The following CMIP variants were observed in gnomAD, a reference collection of about 807,000 sequenced individuals.
CMIP encodes the protein c-Maf inducing protein.
Under a neutral mutation model 97.3 loss-of-function variants are expected in CMIP, and 13 were observed. The ratio of observed to expected loss-of-function variants is 0.13; its 90% confidence interval spans 0.09 to 0.21. CMIP has a LOEUF of 0.21. Among genes scored for constraint, CMIP ranks in the 10% least tolerant of loss-of-function variants. The pLI, the probability that CMIP is intolerant of heterozygous loss-of-function variation, is 1.00. For missense variants in CMIP, 847 were observed against 1,024.9 expected (o/e 0.83, Z 2.37); for synonymous variants, 538 against 436.3 (o/e 1.23, Z -2.91).
intron 1 of CMIP, among the ~76,000 whole-genome samples, chr16:81,533,344 A>C (rs143412943): frequency 6.9e-4 from 105 of 152,374 alleles, no homozygotes; most frequent in Non-Finnish European, 1.1e-3. Context: ...CAGTCAGTCA[A>C]ACTTTGCAGC....
rs1165194123 is a variant in CMIP at position 81,469,951 on chromosome 16, A to T, written c.300+24410A>T. On this transcript the variant is annotated intron_variant, in intron 1 of 20. Transcript: ENST00000537098. The stretch of plus-strand genomic sequence containing the variant: ...CACCCTTGACCTTGTCTGGTGTCTG[A>T]CAGCAGCAGCAGGTAAAGAGCAGGC... Among the ~76,000 whole-genome samples, 3 of 152,120 alleles carry T rather than the reference A, an allele frequency of 2.0e-5. No individual in the cohort carries two copies. In the East Asian group the frequency reaches 5.8e-4, roughly 29 times the overall value.
chr16:81,607,528 A>T, intron 1 of CMIP, 39 bp from the exon 2 acceptor site: 1 of 1,608,370 alleles, frequency 6.2e-7, no homozygotes, highest in African/African-American at 1.3e-5. Flanking sequence ...CTGCTACTGT[A>T]ACCAATGCAT....
Position 81,645,525 on chromosome 16 carries a change from C to T in CMIP, c.478-6678C>T. 3.3e-6 allele frequency: 5 copies of T among 1,536,008 alleles called. No homozygotes were observed. The South Asian group carries it at 5.9e-5, about 18-fold the overall frequency. The stretch of plus-strand genomic sequence containing the variant: ...GTGGAGGAGCAACAGGCTCTGCTTT[C>T]CCTGGCCTGAGAACCCTGGCATATG... On this transcript the variant is annotated intron_variant, in intron 3 of 20. Transcript: ENST00000537098.
chr16:81,665,393 G>C (rs1414935341), intron 7 of CMIP: 1 of 152,188 alleles, frequency 6.6e-6, no homozygotes. Context: ...GGAGTCAAGA[G>C]TGTGGTGCTC....
intron 13 of CMIP, among the ~76,000 whole-genome samples, 152 bp downstream of exon 13, chr16:81,693,639 G>A (rs575569879): frequency 2.0e-5 from 3 of 152,144 alleles, no homozygotes; most frequent in African/African-American, 4.8e-5. Flanking sequence ...TCCCCGCCTG[G>A]TGCAGAGCCC....
At chr16:81,660,023 C>G (rs60963566) in intron 5 of CMIP, among the ~76,000 whole-genome samples, 8,401 of 152,218 alleles carry the variant, frequency 0.055, 264 homozygotes, top group East Asian at 0.14. Flanking sequence ...AATTTTTCTA[C>G]CATAGCTTGA....
intron 11 of CMIP, among the ~76,000 whole-genome samples, 188 bp downstream of exon 11, chr16:81,692,028 C>T (rs946419028): frequency 6.6e-6 from 1 of 152,098 alleles, no homozygotes; most frequent in Non-Finnish European, 1.5e-5. Flanking sequence ...CATCTTCCCT[C>T]AGAAAAATGG....
intron 1 of CMIP, among the ~76,000 whole-genome samples, chr16:81,565,221 G>T (rs1476623563): frequency 6.6e-6 from 1 of 152,138 alleles, no homozygotes; most frequent in Non-Finnish European, 1.5e-5. Flanking sequence ...CAAGATCTGG[G>T]CCCAGATGGA....
chr16:81,678,777 G>A, intron 10 of CMIP, 149 bp downstream of exon 10: 1 of 597,360 alleles, frequency 1.7e-6, no homozygotes, highest in Non-Finnish European at 3.0e-6. Context: ...GCTGGTGTGT[G>A]CAAGAGTGTG....
intron 10 of CMIP, among the ~76,000 whole-genome samples, chr16:81,688,019 G>A (rs1297288969): frequency 1.3e-5 from 2 of 152,240 alleles, no homozygotes; most frequent in East Asian, 1.9e-4. Flanking sequence ...GCCCCGGTGC[G>A]CAGGCAGCGC....
At chr16:81,688,448 C>T (rs1905669362) in intron 10 of CMIP, among the ~76,000 whole-genome samples, 4 of 152,286 alleles carry the variant, frequency 2.6e-5, no homozygotes, top group African/African-American at 7.2e-5. Context: ...GATTTGACTC[C>T]TCATATGCCA....
chr16:81,695,465 G>C (rs920198305), intron 13 of CMIP: 1 of 152,250 alleles, frequency 6.6e-6, no homozygotes, highest in African/African-American at 2.4e-5. Flanking sequence ...GTTGTGATCA[G>C]TTTAATATCT....
chr16:81,476,453 C>A (rs563070031), intron 1 of CMIP: 1 of 882,180 alleles, frequency 1.1e-6, no homozygotes, highest in Admixed American at 1.7e-5. Flanking sequence ...GCAAACAGCT[C>A]GAAGGAGATG....
At chr16:81,679,481 G>A (rs1029068735) in intron 10 of CMIP, among the ~76,000 whole-genome samples, 4 of 152,116 alleles carry the variant, frequency 2.6e-5, no homozygotes, top group African/African-American at 9.7e-5. Flanking sequence ...TGGGGTGTGA[G>A]TATCTGTGCA....
intron 1 of CMIP, among the ~76,000 whole-genome samples, chr16:81,544,115 G>A (rs1186331963): frequency 3.3e-5 from 5 of 152,210 alleles, no homozygotes; most frequent in African/African-American, 7.2e-5. Flanking sequence ...AAGGGCAAAC[G>A]CTGGACACGC....
Position 81,678,393 on chromosome 16 carries a change from G to A in CMIP, c.1153G>A (p.Ala385Thr). 3 of 1,609,162 alleles carry A rather than the reference G, an allele frequency of 1.9e-6. No homozygotes were observed. Among genetic ancestry groups the A allele is most frequent in the South Asian group, 1.1e-5 (1 of 90,130 alleles). The change falls in exon 10 of 21, where the codon GCC becomes ACC. Residue 385 changes from alanine (A) to threonine (T), a missense_variant. Ala to Thr is a moderately conservative substitution (Grantham distance 58). Transcript: ENST00000537098. ...HPSPDLVSQE[A>T]TLSEARLKSV... ...CAGCCCGGACCTGGTGTCTCAGGAA[G>A]CCACGCTGTCTGAGGCCCGGCTCAA... is the stretch of plus-strand genomic sequence containing the variant.
At chr16:81,596,730 G>T (rs957492243) in intron 1 of CMIP, among the ~76,000 whole-genome samples, 2 of 152,032 alleles carry the variant, frequency 1.3e-5, no homozygotes, top group Admixed American at 1.3e-4. Flanking sequence ...CCATGTCCTG[G>T]TTTTCCCAGG....
intron 1 of CMIP, among the ~76,000 whole-genome samples, chr16:81,531,298 A>C (rs1005117713): frequency 6.6e-6 from 1 of 152,334 alleles, no homozygotes; most frequent in Admixed American, 6.5e-5. Flanking sequence ...CAGAAGCCCC[A>C]GAAGCTGAGA....
chr16:81,444,887 C>G lies in CMIP; in HGVS notation c.-355C>G, dbSNP rs1281708270. 7.2e-6 allele frequency among the ~76,000 whole-genome samples: 1 copy of G among 139,142 alleles called. No individual in the cohort carries two copies. Among genetic ancestry groups the G allele is most frequent in the Non-Finnish European group, 1.6e-5 (1 of 62,826 alleles). 91.3% of individuals were successfully genotyped at this position (139,142 alleles called of 152,430 possible). On this transcript the variant is annotated 5_prime_UTR_variant, in exon 1 of 21. Coordinates refer to ENST00000537098, the MANE Select transcript of CMIP (RefSeq NM_198390.3). ...CGCGGGGCCCCGAGACACGCCCGCCCCCACCCCGCCGCCCCCACCCCGGCG... is the reference window on the plus strand; with the variant it reads ...CGCGGGGCCCCGAGACACGCCCGCCGCCACCCCGCCGCCCCCACCCCGGCG...
Sources: allele counts gnomAD v4.1 joint callset (sites outside exome capture counted in the v4.1 genomes callset), GRCh38; gene constraint gnomAD v4.1.1; transcripts MANE v1.5; gene names NCBI Gene and HGNC (gene_info 2026-07-23, HGNC 2026-07-21).